The following MROH2A variants were observed in gnomAD, a reference collection of about 807,000 sequenced individuals.
MROH2A encodes maestro heat-like repeat-containing protein family member 2A.
Under a neutral mutation model 200.4 loss-of-function variants are expected in MROH2A, and 174 were observed. The observed-to-expected ratio is 0.87, with a 90% CI of 0.77 to 0.98. The LOEUF is 0.98. Among genes scored for constraint, MROH2A ranks in the 50% least tolerant of loss-of-function variants. MROH2A has a pLI of 0.00. For synonymous variants in MROH2A, 829 were observed against 840.4 expected (o/e 0.99, Z 0.23); for missense variants, 2,045 against 2,139.6 (o/e 0.96, Z 0.87).
chr2:233,793,917 C>T, intron 7 of MROH2A, 93 bp downstream of exon 7: 1 of 1,233,850 alleles, frequency 8.1e-7, no homozygotes, highest in Non-Finnish European at 1.1e-6. Context: ...CCGTCGGGTC[C>T]ACACTTACTC....
rs78614594 is a variant in MROH2A, at chr2:233,814,553, G to A, written c.2761-29G>A. ...GGGGTTGTGGGTGCCCCTCATTGCC[G>A]CCTATCTCTCTCTCCCTCTTGGCTG... is the stretch of plus-strand genomic sequence containing the variant. On this transcript the variant is annotated intron_variant, in intron 25 of 41. Coordinates refer to ENST00000389758, the MANE Select transcript of MROH2A (RefSeq NM_001394639.1). 1,513 of 1,528,894 alleles carry A rather than the reference G, an allele frequency of 9.9e-4. 14 individuals are homozygous for A. In the African/African-American group the frequency reaches 0.019, roughly 19 times the overall value. 94.7% of individuals were successfully genotyped at this position (1,528,894 alleles called of 1,614,324 possible).
chr2:233,825,921 CTTTTT>C (rs34849761), intron 35 of MROH2A, among the ~76,000 whole-genome samples: 42 of 95,250 alleles, frequency 4.4e-4, no homozygotes, highest in African/African-American at 1.3e-3. Flanking sequence ...TTTCTTTTTC[CTTTTT>C]TTTTTTTTTT....
intron 2 of MROH2A, 21 bp downstream of exon 2, chr2:233,779,473 T>C (rs1700827270): frequency 6.6e-7 from 1 of 1,526,048 alleles, no homozygotes; most frequent in Non-Finnish European, 8.9e-7. Flanking sequence ...CATCCACATT[T>C]CTGCTTTCCT....
chr2:233,814,484 A>G lies in MROH2A; in HGVS notation c.2761-98A>G, dbSNP rs1009759087. 6.5e-5 allele frequency: 49 copies of G among 749,052 alleles called. No individual in the cohort carries two copies. In the Admixed American group the frequency reaches 1.2e-3, roughly 18 times the overall value. The allele number at this position is 749,052 out of a possible 1,614,324, so 46.4% of individuals were successfully genotyped here. A position where few individuals can be genotyped will look rare whatever the true frequency, so the allele number is the denominator to read the frequency against. On this transcript the variant is annotated intron_variant, in intron 25 of 41. Coordinates refer to ENST00000389758, the MANE Select transcript of MROH2A (RefSeq NM_001394639.1). The stretch of plus-strand genomic sequence containing the variant: ...GCTCAGACTGAACAGAAGTTAGTGG[A>G]TGACTGCCAGACCCCTCCCTGGCAT...
rs763479318 is a variant in MROH2A, at chr2:233,799,764, G to A, written c.1330-16G>A. On this transcript the variant is annotated splice_polypyrimidine_tract_variant and intron_variant, in intron 12 of 41. Transcript: ENST00000389758. ...CCACCCCAACCCCCAGCATGTCCAC[G>A]GTCCTGTCCCCTCAGGTGAGGATGG... is the stretch of plus-strand genomic sequence containing the variant. The A allele has an allele frequency of 5.8e-6, 9 of 1,550,246 alleles. No individual in the cohort carries two copies. The highest frequency in any genetic ancestry group is 3.4e-4 in the Middle Eastern group (2 of 5,936).
At position 233,832,282 on chromosome 2, in the gene MROH2A, GA is replaced by G; in HGVS notation, c.4837+4del. ...AATCGCTGCTTGCAACTTGGCAGGTGAGCAGAGAGACGTCTCCTGACTCAAG... is the reference window on the plus strand; with the variant it reads ...AATCGCTGCTTGCAACTTGGCAGGTGGCAGAGAGACGTCTCCTGACTCAAG... On this transcript the variant is annotated splice_donor_region_variant and intron_variant, in intron 40 of 41. Coordinates refer to ENST00000389758, the MANE Select transcript of MROH2A (RefSeq NM_001394639.1). The G allele has an allele frequency of 6.5e-7, 1 of 1,550,098 alleles. No homozygotes were observed. The highest frequency in any genetic ancestry group is 8.7e-7 in the Non-Finnish European group (1 of 1,146,712).
At position 233,824,950 on chromosome 2, in the gene MROH2A, C is replaced by T. The variant is rs991771131; in HGVS notation, c.4113+1286C>T. ...TTTGCATGATACTGATTCTTCCTAT[C>T]CATGAGCATGGAATATTTTTCCATT... On this transcript the variant is annotated intron_variant, in intron 35 of 41. Coordinates refer to ENST00000389758, the MANE Select transcript of MROH2A (RefSeq NM_001394639.1). 3.3e-5 allele frequency among the ~76,000 whole-genome samples: 5 copies of T among 152,264 alleles called. No homozygotes were observed. The East Asian group carries it at 9.6e-4, about 29-fold the overall frequency.
Position 233,779,427 on chromosome 2 carries a change from GGGGCC to G in MROH2A, c.70_74del (p.Gly24SerfsTer2). ...AGGTGTCAGAGGAAAGAGACGACCT[GGGGCC>G]TCTTGAATTACATGACAGTGGTAAG... On this transcript the variant is annotated frameshift_variant, in exon 2 of 42. Transcript: ENST00000389758. LOFTEE classifies it high-confidence loss of function. 6.5e-7 allele frequency: 1 copy of G among 1,549,614 alleles called. No individual in the cohort carries two copies. The highest frequency in any genetic ancestry group is 8.7e-7 in the Non-Finnish European group (1 of 1,146,164).
At position 233,813,673 on chromosome 2, in the gene MROH2A, G is replaced by A. The variant is rs182651188; in HGVS notation, c.2655G>A (p.Lys885=). The change falls in exon 25 of 42, where the codon AAG becomes AAA. Residue 885 remains lysine (K), a synonymous_variant. Coordinates refer to ENST00000389758, the MANE Select transcript of MROH2A (RefSeq NM_001394639.1). The stretch of plus-strand genomic sequence containing the variant: ...CTTGTCACTGCTTCTTCTCCAGCAA[G>A]CTGAAGCCTTTCTACTCCACAGAGG... The part of the protein sequence containing the change: ...LAMEALSHLS[K]LKPFYSTEEN... 1 of 1,545,294 alleles carries A rather than the reference G, an allele frequency of 6.5e-7. No homozygotes were observed. The highest frequency in any genetic ancestry group is 2.4e-5 in the East Asian group (1 of 40,856).
chr2:233,804,498 A>C lies in MROH2A; in HGVS notation c.1895A>C (p.His632Pro), dbSNP rs1272531036. 10 of 1,551,202 alleles carry C rather than the reference A, an allele frequency of 6.4e-6. No individual in the cohort carries two copies. Among genetic ancestry groups the C allele is most frequent in the Non-Finnish European group, 7.8e-6 (9 of 1,147,170 alleles). The change falls in exon 18 of 42, where the codon CAT becomes CCT. Residue 632 changes from histidine (H) to proline (P), a missense_variant. By Grantham distance (77) the His-to-Pro change is moderately conservative. Transcript: ENST00000389758. ...GACCATACATGTGTTCCTGCAGAAC[A>C]TACTGAGTTCACTTGGGATCAGAAA... ...IALLVRYLEE[H>P]TEFTWDQKAW...
intron 11 of MROH2A, 95 bp downstream of exon 11, chr2:233,796,408 C>A: frequency 1.2e-6 from 1 of 806,906 alleles, no homozygotes; most frequent in Non-Finnish European, 2.0e-6. Context: ...CGGGCATTGC[C>A]ACTTCCTAGA....
intron 39 of MROH2A, 45 bp downstream of exon 39, chr2:233,831,585 C>A: frequency 1.3e-6 from 2 of 1,535,850 alleles, no homozygotes; most frequent in Non-Finnish European, 1.8e-6. Context: ...GGTGGCCACA[C>A]GCTGGCTTGG....
At chr2:233,822,806 C>A (rs1704035240) in intron 33 of MROH2A, 75 bp from the exon 34 acceptor site, 1 of 1,519,838 alleles carries the variant, frequency 6.6e-7, no homozygotes, top group Non-Finnish European at 8.9e-7. Context: ...GGCCCCACTT[C>A]ACAGATTGCA....
chr2:233,782,800 G>A (rs574801502), intron 3 of MROH2A, among the ~76,000 whole-genome samples: 2 of 152,270 alleles, frequency 1.3e-5, no homozygotes, highest in South Asian at 2.1e-4. Context: ...CCAGATTTTA[G>A]GAACAAGGCT....
intron 13 of MROH2A, 145 bp from the exon 14 acceptor site, chr2:233,800,060 G>T: frequency 9.0e-7 from 1 of 1,114,374 alleles, no homozygotes; most frequent in Non-Finnish European, 1.3e-6. Context: ...ACAATGTGTG[G>T]GGTCCTAGAT....
chr2:233,829,770 G>A lies in MROH2A; in HGVS notation c.4597G>A (p.Ala1533Thr). 1 of 1,369,914 alleles carries A rather than the reference G, an allele frequency of 7.3e-7. No homozygotes were observed. Among genetic ancestry groups the A allele is most frequent in the South Asian group, 1.8e-5 (1 of 54,406 alleles). The allele number at this position is 1,369,914 out of a possible 1,614,324, so 84.9% of individuals were successfully genotyped here. ...CTCCCAGGACCCCTGCTCCAATGCA[G>A]CCCAAGTAAGATACATCCTGGGCTT... is the stretch of plus-strand genomic sequence containing the variant. ...LHSQDPCSNAAQACMATMFQC... is the reference protein window; with the variant it reads ...LHSQDPCSNATQACMATMFQC... The change falls in exon 38 of 42, where the codon GCC becomes ACC. Residue 1533 changes from alanine to threonine, a missense_variant. Physicochemically the swap from Ala to Thr is moderately conservative, Grantham distance 58. This residue lies in a region of MROH2A where 1,201 missense variants were observed against 1,311.3 expected (regional missense o/e 0.92). Transcript: ENST00000389758.
Position 233,796,311 on chromosome 2 carries a change from A to T in MROH2A, c.1250A>T (p.Asp417Val). 8.0e-6 allele frequency: 5 copies of T among 628,548 alleles called. No individual in the cohort carries two copies. Among genetic ancestry groups the T allele is most frequent in the Non-Finnish European group, 1.1e-5 (5 of 450,224 alleles). The allele number at this position is 628,548 out of a possible 1,614,324, so 38.9% of individuals were successfully genotyped here. The change falls in exon 11 of 42, where the codon GAT becomes GTT. Residue 417 changes from aspartate to valine, a missense_variant and splice_region_variant. Physicochemically the swap from Asp to Val is radical, Grantham distance 152 (BLOSUM62 -3). This residue lies in a region of MROH2A where 831 missense variants were observed against 800.0 expected (regional missense o/e 1.04). Transcript: ENST00000389758. ...LNLIRAIVSADEPRMSIRAIY... is the reference protein window; with the variant it reads ...LNLIRAIVSAVEPRMSIRAIY... Reference sequence around the variant, plus strand: ...CTGATTAGGGCTATAGTGAGCGCAGATGGTGAGCAAGGCAGGGTGGGTGGG... The same window carrying T: ...CTGATTAGGGCTATAGTGAGCGCAGTTGGTGAGCAAGGCAGGGTGGGTGGG...
intron 35 of MROH2A, among the ~76,000 whole-genome samples, chr2:233,827,256 A>G (rs1341633278): frequency 1.3e-5 from 2 of 152,264 alleles, no homozygotes; most frequent in Non-Finnish European, 2.9e-5. Flanking sequence ...ATTCTATTAC[A>G]AAGATATATG....
chr2:233,810,363 A>T (rs1703078174), intron 22 of MROH2A, among the ~76,000 whole-genome samples: 1 of 152,246 alleles, frequency 6.6e-6, no homozygotes, highest in African/African-American at 2.4e-5. Context: ...AATGAGGAAG[A>T]AGCAAAAGTG....
Sources: gnomAD v4.1 joint callset for allele counts (sites outside exome capture counted in the v4.1 genomes callset) on GRCh38, gnomAD v4.1.1 for gene constraint, gnomAD v4.1.1 regional missense constraint, MANE v1.5 for transcripts, NCBI Gene and HGNC (gene_info 2026-07-23, HGNC 2026-07-21) for gene names.